The following HIPK1 variants were observed in gnomAD, a reference collection of about 807,000 sequenced individuals.
HIPK1 encodes homeodomain interacting protein kinase 1.
Under a neutral mutation model 117.1 loss-of-function variants are expected in HIPK1, and 28 were observed. That is an observed-to-expected ratio of 0.24 (90% CI 0.18 to 0.33). The LOEUF (loss-of-function observed/expected upper bound fraction) is 0.33, where lower values mean the gene tolerates loss of function less well. Among genes scored for constraint, HIPK1 ranks in the 10% least tolerant of loss-of-function variants. The pLI, the probability that HIPK1 is intolerant of heterozygous loss-of-function variation, is 1.00. For missense variants in HIPK1, 1,122 were observed against 1,475.1 expected, an observed-to-expected ratio of 0.76 and a Z score of 3.92; for synonymous variants, 605 against 562.5, an observed-to-expected ratio of 1.08 and a Z score of -1.07.
In HIPK1 at chr1:113,941,499, T is replaced by G. The variant is rs1207585565; in HGVS notation, c.1076+40T>G. ...CTGAAAATCGTATCTTAGGCTAGAG[T>G]TCTGTCCTTATATTTAACATATACC... On this transcript the variant is annotated intron_variant, in intron 2 of 15. Coordinates refer to ENST00000426820, the MANE Select transcript of HIPK1 (RefSeq NM_198268.3). This position sits in a 1 kb window ranked among gnomAD's most constrained non-coding sequence, Gnocchi z 4.9. 6.7e-7 allele frequency: 1 copy of G among 1,498,854 alleles called. No homozygotes were observed. The highest frequency in any genetic ancestry group is 2.3e-5 in the East Asian group (1 of 44,194). The allele number at this position is 1,498,854 out of a possible 1,614,324, so 92.8% of individuals were successfully genotyped here. A position where few individuals can be genotyped will look rare whatever the true frequency, so the allele number is the denominator to read the frequency against.
In HIPK1 at chr1:113,954,781, C is replaced by G; in HGVS notation, c.1320+11C>G. 1 of 1,611,452 alleles carries G rather than the reference C, an allele frequency of 6.2e-7. No individual in the cohort carries two copies. Among genetic ancestry groups the G allele is most frequent in the Middle Eastern group, 1.7e-4 (1 of 6,048 alleles). On this transcript the variant is annotated intron_variant, in intron 4 of 15. Transcript: ENST00000426820. Reference sequence around the variant, plus strand: ...CTGTGGAGGCTTAAGGTCTGTCTTCCCTACTATGCTTCCGACTCCTGTACT... The same window carrying G: ...CTGTGGAGGCTTAAGGTCTGTCTTCGCTACTATGCTTCCGACTCCTGTACT...
chr1:113,956,800 A>G lies in HIPK1; in HGVS notation c.1581A>G (p.Pro527=). 6.2e-7 allele frequency: 1 copy of G among 1,613,972 alleles called. No individual in the cohort carries two copies. The highest frequency in any genetic ancestry group is 1.7e-4 in the Middle Eastern group (1 of 6,060). ...FVTMTHLLDF[P]HSNHVKSCFQ... is the part of the protein sequence containing the mutation. ...CAATGACTCACCTTTTGGATTTTCC[A>G]CATAGCAATCAGTGAGTATGGAATA... Residue 527 remains proline, a synonymous_variant, in exon 6 of 16, where the codon CCA becomes CCG. Coordinates refer to ENST00000426820, the MANE Select transcript of HIPK1 (RefSeq NM_198268.3).
chr1:113,972,622 T>C (rs1296681479), intron 15 of HIPK1, among the ~76,000 whole-genome samples: 1 of 152,184 alleles, frequency 6.6e-6, no homozygotes, highest in Non-Finnish European at 1.5e-5. Context: ...AGTTTCCACA[T>C]TTCAAGAGGG....
At position 113,941,538 on chromosome 1, in the gene HIPK1, A is replaced by G; in HGVS notation, c.1076+79A>G. 1 of 1,048,554 alleles carries G rather than the reference A, an allele frequency of 9.5e-7. No individual in the cohort carries two copies. The highest frequency in any genetic ancestry group is 1.4e-6 in the Non-Finnish European group (1 of 713,548). 65.0% of individuals were successfully genotyped at this position (1,048,554 alleles called of 1,614,324 possible). The stretch of plus-strand genomic sequence containing the variant: ...TTAACATATACCCCGTAGGCTACAT[A>G]TAGCAATGAATTTGTTTATAGATTC... On this transcript the variant is annotated intron_variant, in intron 2 of 15. Transcript: ENST00000426820. This position sits in a 1 kb window ranked among gnomAD's most constrained non-coding sequence, Gnocchi z 4.9.
intron 2 of HIPK1, chr1:113,951,286 T>C (rs1177064169): frequency 2.0e-6 from 2 of 983,102 alleles, no homozygotes; most frequent in Non-Finnish European, 2.4e-6. Flanking sequence ...TAAATTTACA[T>C]AGATGAGTAT....
chr1:113,929,644 C>T, intron 1 of HIPK1, 112 bp downstream of exon 1: 2 of 1,025,992 alleles, frequency 1.9e-6, no homozygotes, highest in Non-Finnish European at 2.6e-6. Flanking sequence ...ACGGCGGCTG[C>T]GGAGCAAGGG....
intron 1 of HIPK1, 24 bp from the exon 2 acceptor site, chr1:113,940,358 A>G (rs745791434): frequency 3.9e-6 from 6 of 1,541,798 alleles, no homozygotes; most frequent in African/African-American, 2.8e-5. Context: ...CTTGTGGTCT[A>G]ATTCTTCCTT....
At chr1:113,933,596 A>G (rs1439674345) in intron 1 of HIPK1, among the ~76,000 whole-genome samples, 7 of 152,138 alleles carry the variant, frequency 4.6e-5, no homozygotes, top group African/African-American at 1.7e-4. Flanking sequence ...TGAGGCCAGC[A>G]TCGTGGCTCA....
Position 113,972,102 on chromosome 1 carries a change from G to A in HIPK1, c.3144+148G>A, listed in dbSNP as rs1396858970. On this transcript the variant is annotated intron_variant, in intron 15 of 15. Transcript: ENST00000426820. ...TGTGTTCTATGGCTTACGTCGTACC[G>A]CATATGCTGTGTCTCTTCATTCACT... 1.8e-5 allele frequency: 28 copies of A among 1,586,860 alleles called. 1 individual carries two copies. The highest frequency in any genetic ancestry group is 6.7e-5 in the African/African-American group (5 of 74,144).
intron 2 of HIPK1, among the ~76,000 whole-genome samples, chr1:113,950,893 C>T (rs1031685329): frequency 6.6e-6 from 1 of 152,118 alleles, no homozygotes; most frequent in African/African-American, 2.4e-5. Context: ...GGAGGTAATA[C>T]TTTTATTGCA....
chr1:113,972,659 A>G (rs1672915685), intron 15 of HIPK1, among the ~76,000 whole-genome samples: 3 of 152,236 alleles, frequency 2.0e-5, no homozygotes, highest in South Asian at 4.1e-4. Context: ...GGACGAAAAC[A>G]AAAGAAAGCA....
chr1:113,933,628 T>C (rs1228519728), intron 1 of HIPK1, among the ~76,000 whole-genome samples: 1 of 151,956 alleles, frequency 6.6e-6, no homozygotes, highest in African/African-American at 2.4e-5. Flanking sequence ...CCAGCACTTT[T>C]GGAGGCTGAG....
chr1:113,958,344 T>TAGGCAGCTCTAAAAGC lies in HIPK1; in HGVS notation c.1981+64_1981+65insAAAGCAGGCAGCTCTA, dbSNP rs1671861910. The TAGGCAGCTCTAAAAGC allele has an allele frequency of 3.6e-5, 44 of 1,208,808 alleles. 3 individuals carry two copies. In the South Asian group the frequency reaches 5.6e-4, roughly 15 times the overall value. 74.9% of individuals were successfully genotyped at this position (1,208,808 alleles called of 1,614,324 possible). A position where few individuals can be genotyped will look rare whatever the true frequency, so the allele number is the denominator to read the frequency against. On this transcript the variant is annotated intron_variant, in intron 8 of 15. Transcript: ENST00000426820. The stretch of plus-strand genomic sequence containing the variant: ...GGTATTGTATCAGACCTACCTGCTT[T>TAGGCAGCTCTAAAAGC]AGGCAGCTCTAGTTGTTTAGTTCTG...
In HIPK1 at chr1:113,976,377, G is replaced by A. The variant is rs1482792468; in HGVS notation, c.*2865G>A. ...TTGGAACACAGGTCTAGTTTCTAAA[G>A]GACAAATTTTTTGTTCCTTGTCTTT... is the stretch of plus-strand genomic sequence containing the variant. On this transcript the variant is annotated 3_prime_UTR_variant, in exon 16 of 16. Transcript: ENST00000426820. 3 of 152,304 alleles carry A rather than the reference G, an allele frequency of 2.0e-5. No homozygotes were observed. The highest frequency in any genetic ancestry group is 7.2e-5 in the African/African-American group (3 of 41,436). The allele number at this position is 152,304 out of a possible 1,614,324, so 9.4% of individuals were successfully genotyped here.
At chr1:113,952,185 C>T (rs1390748428) in intron 2 of HIPK1, among the ~76,000 whole-genome samples, 2 of 151,922 alleles carry the variant, frequency 1.3e-5, no homozygotes, top group Non-Finnish European at 2.9e-5. Flanking sequence ...GTGATCCACC[C>T]GCTTCGGCTT....
rs777989991 is a variant in HIPK1 at position 113,973,050 on chromosome 1, C to G, written c.3171C>G (p.Thr1057=). The G allele has an allele frequency of 1.3e-6, 2 of 1,518,812 alleles. No homozygotes were observed. The highest frequency in any genetic ancestry group is 2.8e-5 in the African/African-American group (2 of 71,728). The allele number at this position is 1,518,812 out of a possible 1,614,324, so 94.1% of individuals were successfully genotyped here. ...SQNQQSSAAP[T]SQERSSNPAP... is the part of the protein sequence containing the mutation. The stretch of plus-strand genomic sequence containing the variant: ...ACCAGCAGTCATCGGCGGCTCCAAC[C>G]TCACAGGAGAGAAGCAGCAACCCAG... Residue 1057 remains threonine, a synonymous_variant, in exon 16 of 16, where the codon ACC becomes ACG. Transcript: ENST00000426820.
chr1:113,953,681 C>T (rs1324536044), intron 3 of HIPK1, among the ~76,000 whole-genome samples: 1 of 152,158 alleles, frequency 6.6e-6, no homozygotes, highest in East Asian at 1.9e-4. Context: ...CCATGACCAA[C>T]TAATTTTTGT....
rs1375891171 is a variant in HIPK1 at position 113,949,848 on chromosome 1, C to T, written c.1077-2918C>T. Among the ~76,000 whole-genome samples the T allele has an allele frequency of 2.6e-5, 4 of 152,142 alleles. No homozygotes were observed. In the East Asian group the frequency reaches 7.7e-4, roughly 29 times the overall value. Reference sequence around the variant, plus strand: ...CTCCTGACTTCAGGTGATCCAGCCTCCTCGGCCTCCCAAAGTGCTTGTATT... The same window carrying T: ...CTCCTGACTTCAGGTGATCCAGCCTTCTCGGCCTCCCAAAGTGCTTGTATT... On this transcript the variant is annotated intron_variant, in intron 2 of 15. Transcript: ENST00000426820.
At chr1:113,938,485 G>A (rs1456593577) in intron 1 of HIPK1, among the ~76,000 whole-genome samples, 2 of 152,120 alleles carry the variant, frequency 1.3e-5, no homozygotes, top group African/African-American at 4.8e-5. Context: ...AGAAGAGAGA[G>A]CAGTTATCTG....
Sources: gnomAD v4.1 joint callset for allele counts (sites outside exome capture counted in the v4.1 genomes callset) on GRCh38, gnomAD v4.1.1 for gene constraint, Gnocchi (gnomAD v3.1) non-coding constraint, MANE v1.5 for transcripts, NCBI Gene and HGNC (gene_info 2026-07-23, HGNC 2026-07-21) for gene names.